NKAIN3: variants seen among roughly 807,000 people sequenced by gnomAD.
NKAIN3 encodes the protein sodium/potassium-transporting ATPase subunit beta-1-interacting protein 3.
NKAIN3 carries 25 observed loss-of-function variants against 30.2 expected under a neutral mutation model. The ratio of observed to expected loss-of-function variants is 0.83; its 90% CI spans 0.60 to 1.16. The LOEUF (loss-of-function observed/expected upper bound fraction) is 1.16. Among genes scored for constraint, NKAIN3 ranks in the 50% most tolerant of loss-of-function variants. The pLI is 0.00. For synonymous variants in NKAIN3, 91 were observed against 89.6 expected (o/e 1.02, Z -0.09); for missense variants, 225 against 254.1 (o/e 0.89, Z 0.78).
At chr8:62,987,975 TG>T (rs1162948186), downstream of NKAIN3, among the ~76,000 whole-genome samples, 3 of 152,224 alleles carry the variant, frequency 2.0e-5, no homozygotes, top group Non-Finnish European at 4.4e-5. Context: ...TAAATACTCC[TG>T]TTCTAAATTG....
chr8:62,335,707 A>G lies in NKAIN3; in HGVS notation c.54+86580A>G, dbSNP rs578034347. Among the ~76,000 whole-genome samples the G allele has an allele frequency of 5.3e-5, 8 of 152,174 alleles. No individual in the cohort carries two copies. The South Asian group carries it at 1.7e-3, about 31-fold the overall frequency. ...GTAATTCTAAAATCCAACCAGATGC[A>G]GGTCACTAGATCCTTAACTAGGCTC... On this transcript the variant is annotated intron_variant, in intron 1 of 6. Transcript: ENST00000623646.
At chr8:62,796,817 A>ACAC (rs1554578657) in intron 4 of NKAIN3, among the ~76,000 whole-genome samples, 18 of 41,368 alleles carry the variant, frequency 4.4e-4, no homozygotes, top group African/African-American at 9.9e-4. Context: ...CACACACACA[A>ACAC]ATACTCATGA....
At chr8:62,450,035 T>C (rs1805595379) in intron 1 of NKAIN3, among the ~76,000 whole-genome samples, 1 of 152,168 alleles carries the variant, frequency 6.6e-6, no homozygotes, top group South Asian at 2.1e-4. Flanking sequence ...TCTGCTATTA[T>C]GATTAAGTAA....
chr8:62,435,121 G>A (rs1379264532), intron 1 of NKAIN3, among the ~76,000 whole-genome samples: 1 of 152,126 alleles, frequency 6.6e-6, no homozygotes, highest in Non-Finnish European at 1.5e-5. Context: ...GGTCAGCGCT[G>A]ACACCTCTAG....
Position 62,950,147 on chromosome 8 carries a change from G to A in NKAIN3, c.533-3755G>A, listed in dbSNP as rs114507263. Among the ~76,000 whole-genome samples, 565 of 152,172 alleles carry A rather than the reference G, an allele frequency of 3.7e-3. 6 individuals are homozygous for A. The highest frequency in any genetic ancestry group is 0.012 in the African/African-American group (491 of 41,526). On this transcript the variant is annotated intron_variant, in intron 5 of 6. Coordinates refer to ENST00000623646, the MANE Select transcript of NKAIN3 (RefSeq NM_001304533.3). ...AAAAACTGAAGGTCTTTCCTAATGA[G>A]TTATTTTTAAGTCTTTTGTTAAGTG... is the stretch of plus-strand genomic sequence containing the variant.
chr8:62,731,530 C>G (rs1815465428), intron 3 of NKAIN3, among the ~76,000 whole-genome samples: 1 of 152,116 alleles, frequency 6.6e-6, no homozygotes, highest in Admixed American at 6.5e-5. Flanking sequence ...ATCCCCTTGA[C>G]AAAGCCAATG....
At chr8:62,838,779 C>T (rs189991724) in intron 4 of NKAIN3, among the ~76,000 whole-genome samples, 183 of 152,218 alleles carry the variant, frequency 1.2e-3, no homozygotes, top group African/African-American at 4.3e-3. Context: ...ATTTCAGAAG[C>T]TGATTTCCAA....
chr8:62,540,045 C>A (rs935695443), intron 1 of NKAIN3, among the ~76,000 whole-genome samples: 8 of 152,044 alleles, frequency 5.3e-5, no homozygotes, highest in Non-Finnish European at 1.0e-4. Context: ...TATTTTATTG[C>A]TTTTATTTTT....
chr8:62,365,125 T>G (rs529798451), intron 1 of NKAIN3, among the ~76,000 whole-genome samples: 1 of 152,266 alleles, frequency 6.6e-6, no homozygotes, highest in Admixed American at 6.5e-5. Flanking sequence ...ACAACTTACT[T>G]CATTTTAATA....
intron 1 of NKAIN3, among the ~76,000 whole-genome samples, chr8:62,481,244 C>G (rs1169422610): frequency 6.6e-6 from 1 of 152,122 alleles, no homozygotes; most frequent in Non-Finnish European, 1.5e-5. Flanking sequence ...GCTCCAGCAA[C>G]AGTAATAACT....
At chr8:62,291,900 C>T (rs1813651061) in intron 1 of NKAIN3, among the ~76,000 whole-genome samples, 2 of 152,098 alleles carry the variant, frequency 1.3e-5, no homozygotes, top group Non-Finnish European at 2.9e-5. Flanking sequence ...CAAGGACCTG[C>T]TTTATGAATC....
At chr8:62,989,334 A>T (rs1824269415), downstream of NKAIN3, among the ~76,000 whole-genome samples, 1 of 152,198 alleles carries the variant, frequency 6.6e-6, no homozygotes, top group Non-Finnish European at 1.5e-5. Context: ...TGGGTAATTT[A>T]TAAAAAATAC....
chr8:62,535,363 G>T (rs1195011286), intron 1 of NKAIN3, among the ~76,000 whole-genome samples: 1 of 152,098 alleles, frequency 6.6e-6, no homozygotes, highest in Non-Finnish European at 1.5e-5. Flanking sequence ...CACCAGCTGG[G>T]TGTCCTCTAA....
intron 1 of NKAIN3, among the ~76,000 whole-genome samples, chr8:62,551,469 T>G (rs1284586539): frequency 6.6e-6 from 1 of 152,174 alleles, no homozygotes; most frequent in Admixed American, 6.5e-5. Flanking sequence ...AGTAATTATT[T>G]TAATAGAGAA....
intron 3 of NKAIN3, among the ~76,000 whole-genome samples, chr8:62,723,886 G>T (rs1399952386): frequency 6.6e-6 from 1 of 152,106 alleles, no homozygotes; most frequent in African/African-American, 2.4e-5. Context: ...GAGAAGAAGA[G>T]CATGACATTT....
intron 3 of NKAIN3, among the ~76,000 whole-genome samples, chr8:62,684,634 G>A (rs945727476): frequency 2.6e-5 from 4 of 152,310 alleles, no homozygotes; most frequent in Admixed American, 2.0e-4. Flanking sequence ...TTAGGGTTAT[G>A]GGCTGAATTT....
intron 1 of NKAIN3, among the ~76,000 whole-genome samples, chr8:62,549,124 T>C (rs1269226783): frequency 6.6e-6 from 1 of 152,178 alleles, no homozygotes; most frequent in Non-Finnish European, 1.5e-5. Flanking sequence ...TGCTCTCCTT[T>C]TACTGTGAAC....
intron 1 of NKAIN3, among the ~76,000 whole-genome samples, chr8:62,431,415 TC>T (rs1804993894): frequency 6.6e-6 from 1 of 151,920 alleles, no homozygotes; most frequent in South Asian, 2.1e-4. Flanking sequence ...GCAATTTTTT[TC>T]TGTTAGCCAT....
chr8:62,871,263 C>T (rs35478421), intron 4 of NKAIN3, among the ~76,000 whole-genome samples: 34,685 of 151,656 alleles, frequency 0.23, 4,875 homozygotes, highest in Non-Finnish European at 0.33. Context: ...ATTAGCCAGA[C>T]CTGGTGGTGT....
Sources: allele counts gnomAD v4.1 joint callset (sites outside exome capture counted in the v4.1 genomes callset), GRCh38; gene constraint gnomAD v4.1.1; transcripts MANE v1.5; gene names NCBI Gene and HGNC (gene_info 2026-07-23, HGNC 2026-07-21).